The following HERC5 variants were observed in gnomAD, a reference collection of about 807,000 sequenced individuals.
The protein encoded by HERC5 is HECT and RLD domain containing E3 ubiquitin protein ligase 5.
A neutral mutation model predicts 119.6 loss-of-function variants in HERC5; 99 were observed. The observed-to-expected ratio is 0.83, with a 90% CI of 0.70 to 0.98. The LOEUF (loss-of-function observed/expected upper bound fraction) is 0.98. HERC5 is among the 50% of genes least tolerant of loss of function. HERC5 has a pLI of 0.00. For missense variants in HERC5, 1,267 were observed against 1,241.3 expected (o/e 1.02, Z -0.31); for synonymous variants, 478 against 445.9 (o/e 1.07, Z -0.91).
At chr4:88,502,025 C>T (rs1453983594) in intron 20 of HERC5, among the ~76,000 whole-genome samples, 1 of 152,188 alleles carries the variant, frequency 6.6e-6, no homozygotes, top group Admixed American at 6.5e-5. Context: ...GTCTCCATCT[C>T]CTGACCTCAT....
intron 9 of HERC5, among the ~76,000 whole-genome samples, chr4:88,469,640 T>TC (rs1178748717): frequency 6.6e-6 from 1 of 152,210 alleles, no homozygotes; most frequent in Non-Finnish European, 1.5e-5. Context: ...CTTAAGGCCT[T>TC]CAACTGGATG....
chr4:88,470,584 G>T, intron 9 of HERC5, 30 bp from the exon 10 acceptor site: 2 of 1,201,262 alleles, frequency 1.7e-6, no homozygotes, highest in South Asian at 1.3e-5. Flanking sequence ...CATGTGATTT[G>T]GTTTAACCAG....
Position 88,467,217 on chromosome 4 carries a change from G to A in HERC5, c.1057+13G>A, listed in dbSNP as rs997073052. 1.9e-6 allele frequency: 3 copies of A among 1,612,444 alleles called. No homozygotes were observed. Among genetic ancestry groups the A allele is most frequent in the Non-Finnish European group, 2.5e-6 (3 of 1,178,932 alleles). Reference sequence around the variant, plus strand: ...GAACTCAAACTTGGTAAATTCTATAGGAACATAGGGTTTGGCATAGTATCT... The same window carrying A: ...GAACTCAAACTTGGTAAATTCTATAAGAACATAGGGTTTGGCATAGTATCT... On this transcript the variant is annotated intron_variant, in intron 7 of 22. Transcript: ENST00000264350.
intron 9 of HERC5, 37 bp downstream of exon 9, chr4:88,469,297 C>G (rs184099603): frequency 7.4e-7 from 1 of 1,358,726 alleles, no homozygotes; most frequent in East Asian, 2.3e-5. Context: ...TTATATATCA[C>G]TCTCAAGTAT....
chr4:88,460,308 TTAAAG>T lies in HERC5; in HGVS notation c.466+142_466+146del, dbSNP rs1332479186. 278 of 464,850 alleles carry T rather than the reference TTAAAG, an allele frequency of 6.0e-4. 2 individuals carry two copies. Among genetic ancestry groups the T allele is most frequent in the South Asian group, 1.1e-3 (24 of 21,136 alleles). 28.8% of individuals were successfully genotyped at this position (464,850 alleles called of 1,614,324 possible). A position where few individuals can be genotyped will look rare whatever the true frequency, so the allele number is the denominator to read the frequency against. ...TTTGATATGGTTCCGAGTACGATTC[TTAAAG>T]TAAATACATAATGAGAGAATTCTTG... On this transcript the variant is annotated intron_variant, in intron 3 of 22. Transcript: ENST00000264350.
At chr4:88,483,726 A>G (rs1741364732) in intron 13 of HERC5, among the ~76,000 whole-genome samples, 1 of 151,458 alleles carries the variant, frequency 6.6e-6, no homozygotes, top group Non-Finnish European at 1.5e-5. Flanking sequence ...ATGGGGTTTC[A>G]CCACATTGCC....
intron 14 of HERC5, 122 bp downstream of exon 14, chr4:88,486,350 A>C: frequency 3.5e-6 from 2 of 568,720 alleles, no homozygotes. Flanking sequence ...AAGACTCCTC[A>C]AAATCTATGC....
At chr4:88,457,980 C>A in intron 1 of HERC5, 1 of 991,274 alleles carries the variant, frequency 1.0e-6, no homozygotes, top group Non-Finnish European at 1.2e-6. Context: ...CCCACATTCT[C>A]ATCGAAGTGG....
chr4:88,470,701 T>G (rs372887262), intron 10 of HERC5, 28 bp downstream of exon 10: 3 of 1,019,918 alleles, frequency 2.9e-6, no homozygotes, highest in Non-Finnish European at 4.5e-6. Flanking sequence ...TTAATTGTAT[T>G]AAATTGTATT....
At chr4:88,479,060 C>T (rs991311852) in intron 12 of HERC5, among the ~76,000 whole-genome samples, 2 of 152,022 alleles carry the variant, frequency 1.3e-5, no homozygotes, top group African/African-American at 2.4e-5. Flanking sequence ...CAAAGGTGGG[C>T]GGATCACCTG....
chr4:88,495,561 A>G (rs1236681428), intron 18 of HERC5, among the ~76,000 whole-genome samples: 10 of 152,162 alleles, frequency 6.6e-5, no homozygotes, highest in Admixed American at 5.9e-4. Flanking sequence ...CCCTGTCTCA[A>G]TTAAAAAAAA....
intron 13 of HERC5, 134 bp downstream of exon 13, chr4:88,479,641 T>A (rs955907943): frequency 7.5e-5 from 39 of 523,364 alleles, no homozygotes; most frequent in Admixed American, 3.6e-4. Flanking sequence ...AATTTTTTTT[T>A]AAAATTACAT....
intron 10 of HERC5, among the ~76,000 whole-genome samples, chr4:88,471,572 C>T (rs1401976792): frequency 6.6e-6 from 1 of 152,038 alleles, no homozygotes; most frequent in East Asian, 1.9e-4. Flanking sequence ...AACTCCTGGC[C>T]TCAAGCAGTC....
chr4:88,459,984 T>G (rs1025288884), intron 2 of HERC5, 111 bp from the exon 3 acceptor site: 6 of 595,946 alleles, frequency 1.0e-5, no homozygotes, highest in Non-Finnish European at 1.8e-5. Context: ...TGCAGTAAAT[T>G]GAAAGTTTTT....
intron 6 of HERC5, among the ~76,000 whole-genome samples, chr4:88,465,050 A>T (rs1005192059): frequency 3.9e-5 from 6 of 152,108 alleles, no homozygotes; most frequent in Non-Finnish European, 7.4e-5. Context: ...GATTACAGGC[A>T]TGAGCCACTG....
chr4:88,469,337 A>T (rs1206097276), intron 9 of HERC5, 77 bp downstream of exon 9: 2 of 967,666 alleles, frequency 2.1e-6, no homozygotes, highest in East Asian at 5.0e-5. Context: ...GCACAGCAAT[A>T]TGAGATTTTG....
intron 20 of HERC5, 55 bp from the exon 21 acceptor site, chr4:88,504,177 A>C: frequency 8.6e-7 from 1 of 1,165,122 alleles, no homozygotes; most frequent in Non-Finnish European, 1.2e-6. Context: ...TTAGCCCCTC[A>C]CCATTTTGTT....
chr4:88,476,147 T>A, intron 12 of HERC5, 117 bp downstream of exon 12: 1 of 737,054 alleles, frequency 1.4e-6, no homozygotes, highest in African/African-American at 1.8e-5. Flanking sequence ...TAGTTCGTAT[T>A]GTTAGCATAC....
At chr4:88,458,733 T>G (rs1220064829) in intron 1 of HERC5, among the ~76,000 whole-genome samples, 1 of 152,182 alleles carries the variant, frequency 6.6e-6, no homozygotes, top group African/African-American at 2.4e-5. Flanking sequence ...GTGAACAAAT[T>G]AAATAAGAGT....
Sources: gnomAD v4.1 joint callset for allele counts (sites outside exome capture counted in the v4.1 genomes callset) on GRCh38, gnomAD v4.1.1 for gene constraint, MANE v1.5 for transcripts, NCBI Gene and HGNC (gene_info 2026-07-23, HGNC 2026-07-21) for gene names.